SRMS: variants seen among roughly 807,000 people sequenced by gnomAD.
SRMS encodes the protein src-related kinase lacking C-terminal regulatory tyrosine and N-terminal myristylation sites.
In SRMS, 42 loss-of-function variants were observed where a neutral mutation model predicts 43.5. The observed-to-expected ratio is 0.97, with a 90% CI of 0.75 to 1.25. SRMS has a LOEUF of 1.25. Ranked by LOEUF, SRMS falls within the 50% of genes most tolerant of loss-of-function variation. The pLI, the probability that SRMS is intolerant of heterozygous loss-of-function variation, is 0.00. For synonymous variants in SRMS, 316 were observed against 308.2 expected (o/e 1.03, Z -0.27); for missense variants, 703 against 681.0 (o/e 1.03, Z -0.36).
At chr20:63,542,404 G>A (rs773963311) in intron 4 of SRMS, 36 bp downstream of exon 4, 17 of 1,599,666 alleles carry the variant, frequency 1.1e-5, no homozygotes, top group African/African-American at 5.4e-5. Context: ...CAGCAGGTGC[G>A]GGGCCCGGCC....
intron 7 of SRMS, 47 bp downstream of exon 7, chr20:63,541,144 C>A: frequency 6.4e-7 from 1 of 1,550,460 alleles, no homozygotes; most frequent in South Asian, 1.2e-5. Flanking sequence ...GGGCCAGTGA[C>A]TCCTGGGCAG....
chr20:63,541,174 G>A lies in SRMS; in HGVS notation c.1285+17C>T. ...GGGCAGAGCCTGCATCCTCCCTCTGGCTGCCTGGGGACCCACCTTCATAGG... is the reference window on the plus strand; with the variant it reads ...GGGCAGAGCCTGCATCCTCCCTCTGACTGCCTGGGGACCCACCTTCATAGG... On this transcript the variant is annotated intron_variant, in intron 7 of 7. Coordinates refer to ENST00000217188, the MANE Select transcript of SRMS (RefSeq NM_080823.4). The A allele has an allele frequency of 6.5e-7, 1 of 1,547,372 alleles. No individual in the cohort carries two copies. Among genetic ancestry groups the A allele is most frequent in the Non-Finnish European group, 8.7e-7 (1 of 1,150,802 alleles).
intron 5 of SRMS, among the ~76,000 whole-genome samples, 164 bp from the exon 6 acceptor site, chr20:63,541,784 C>T (rs564454355): frequency 2.6e-5 from 4 of 152,298 alleles, no homozygotes; most frequent in East Asian, 1.9e-4. Flanking sequence ...TGAGACAGGG[C>T]GAGGGTCCTG....
At position 63,542,234 on chromosome 20, in the gene SRMS, C is replaced by T. The variant is rs61740190; in HGVS notation, c.875G>A (p.Cys292Tyr). Residue 292 changes from cysteine to tyrosine, a missense_variant, in exon 5 of 8, where the codon TGC becomes TAC. Coordinates refer to ENST00000217188, the MANE Select transcript of SRMS (RefSeq NM_080823.4). ...HERLIRLHAV[C>Y]SGGEPVYIVT... ...GATGTACACAGGCTCCCCGCCCGAG[C>T]ACACTGCGTGCAGCCGGATGAGCCG... The T allele has an allele frequency of 1.8e-4, 298 of 1,612,736 alleles. No individual in the cohort carries two copies. The African/African-American group carries it at 3.4e-3, about 18-fold the overall frequency.
chr20:63,546,886 G>A (rs1018493090), intron 1 of SRMS, among the ~76,000 whole-genome samples: 4 of 152,216 alleles, frequency 2.6e-5, no homozygotes, highest in East Asian at 1.9e-4. Flanking sequence ...CACGCCTGCC[G>A]GAGCCTCCTC....
chr20:63,544,984 G>C (rs557920424), intron 1 of SRMS, among the ~76,000 whole-genome samples: 1 of 152,232 alleles, frequency 6.6e-6, no homozygotes, highest in South Asian at 2.1e-4. Flanking sequence ...AGTACAGGAC[G>C]GCCCTAAGCC....
chr20:63,543,444 G>A lies in SRMS; in HGVS notation c.515C>T (p.Ser172Phe). The A allele has an allele frequency of 6.2e-7, 1 of 1,612,842 alleles. No individual in the cohort carries two copies. The highest frequency in any genetic ancestry group is 8.5e-7 in the Non-Finnish European group (1 of 1,179,952). ...GTAGAGGCTGCCATCAGCTGCCATG[G>A]AGACCCGGTAGTGGCAGACCTTGGC... ...AQAKVCHYRV[S>F]MAADGSLYLQ... Residue 172 changes from serine to phenylalanine, a missense_variant, in exon 3 of 8, where the codon TCC becomes TTC. Ser to Phe is a radical substitution (Grantham distance 155). Coordinates refer to ENST00000217188, the MANE Select transcript of SRMS (RefSeq NM_080823.4).
In SRMS at chr20:63,542,243, T is replaced by C; in HGVS notation, c.866A>G (p.His289Arg). Residue 289 changes from histidine (H) to arginine (R), a missense_variant, in exon 5 of 8, where the codon CAC becomes CGC. By Grantham distance (29) the His-to-Arg change is conservative. Transcript: ENST00000217188. ...GLRHERLIRL[H>R]AVCSGGEPVY... ...AGGCTCCCCGCCCGAGCACACTGCG[T>C]GCAGCCGGATGAGCCGCTCGTGCCG... is the stretch of plus-strand genomic sequence containing the variant. 1 of 1,612,732 alleles carries C rather than the reference T, an allele frequency of 6.2e-7. No homozygotes were observed. Among genetic ancestry groups the C allele is most frequent in the Non-Finnish European group, 8.5e-7 (1 of 1,179,758 alleles).
intron 1 of SRMS, 123 bp from the exon 2 acceptor site, chr20:63,544,471 C>G: frequency 1.6e-6 from 2 of 1,258,774 alleles, no homozygotes; most frequent in East Asian, 3.2e-5. Context: ...GAAGGTCCAC[C>G]CCGTGGACTT....
intron 2 of SRMS, among the ~76,000 whole-genome samples, chr20:63,543,989 T>TAGTG (rs11472196): frequency 0.52 from 78,950 of 151,722 alleles, 21,564 homozygotes; most frequent in East Asian, 1. Flanking sequence ...ATGAGTGAAT[T>TAGTG]AGTGAGGAAT....
chr20:63,545,781 C>T (rs1183732366), intron 1 of SRMS, among the ~76,000 whole-genome samples: 1 of 152,146 alleles, frequency 6.6e-6, no homozygotes, highest in Non-Finnish European at 1.5e-5. Flanking sequence ...AGCCAGGGCC[C>T]CTGCCTTCTG....
Position 63,541,211 on chromosome 20 carries a change from T to TGCCCCTTCATAGGGACACTGGCACA in SRMS, c.1264_1265insTGTGCCAGTGTCCCTATGAAGGGGC (p.Tyr422LeufsTer15). ...CCCACCTTCATAGGGACACTGGCCA[T>TGCCCCTTCATAGGGACACTGGCACA]AGGTGAAAACCTCGTGCAGCAGGAC... On this transcript the variant is annotated frameshift_variant, in exon 7 of 8. Transcript: ENST00000217188. LOFTEE classifies it low-confidence loss of function (END_TRUNC). 6.4e-7 allele frequency: 1 copy of TGCCCCTTCATAGGGACACTGGCACA among 1,562,452 alleles called. No individual in the cohort carries two copies. Among genetic ancestry groups the TGCCCCTTCATAGGGACACTGGCACA allele is most frequent in the Non-Finnish European group, 8.6e-7 (1 of 1,160,240 alleles).
At position 63,543,464 on chromosome 20, in the gene SRMS, C is replaced by G. The variant is rs1275455847; in HGVS notation, c.495G>C (p.Lys165Asn). 1.9e-6 allele frequency: 3 copies of G among 1,612,644 alleles called. No individual in the cohort carries two copies. In the Admixed American group the frequency reaches 5.0e-5, roughly 27 times the overall value. The part of the protein sequence containing the change: ...GYSLSVRAQA[K>N]VCHYRVSMAA... Reference sequence around the variant, plus strand: ...CCATGGAGACCCGGTAGTGGCAGACCTTGGCCTGGGCCCGGACTAGGAAGG... The same window carrying G: ...CCATGGAGACCCGGTAGTGGCAGACGTTGGCCTGGGCCCGGACTAGGAAGG... Residue 165 changes from lysine (K) to asparagine (N), a missense_variant, in exon 3 of 8, where the codon AAG becomes AAC. Physicochemically the swap from Lys to Asn is moderately conservative, Grantham distance 94 (BLOSUM62 0). Transcript: ENST00000217188.
chr20:63,545,897 C>T (rs551659375), intron 1 of SRMS, among the ~76,000 whole-genome samples: 37 of 152,220 alleles, frequency 2.4e-4, no homozygotes, highest in African/African-American at 8.4e-4. Context: ...CCCAAAACAT[C>T]GCCAGCCTCC....
At chr20:63,542,023 G>A in intron 5 of SRMS, 140 bp downstream of exon 5, 2 of 1,221,844 alleles carry the variant, frequency 1.6e-6, no homozygotes, top group South Asian at 1.5e-5. Context: ...AGACAGGGAT[G>A]GGATCTGCAG....
At position 63,547,300 on chromosome 20, in the gene SRMS, A is replaced by G; in HGVS notation, c.164T>C (p.Leu55Pro). ...PAEPCSPFPQLFLALYDFTAR... is the reference protein window; with the variant it reads ...PAEPCSPFPQPFLALYDFTAR... ...CGTGAAGTCATAGAGCGCAAGGAAG[A>G]GCTGAGGGAAGGGGCTGCAAGGCTC... The change falls in exon 1 of 8, where the codon CTC becomes CCC. Residue 55 changes from leucine to proline, a missense_variant. Leu to Pro is a moderately conservative substitution (Grantham distance 98). Coordinates refer to ENST00000217188, the MANE Select transcript of SRMS (RefSeq NM_080823.4). 2 of 1,603,324 alleles carry G rather than the reference A, an allele frequency of 1.2e-6. No individual in the cohort carries two copies. Among genetic ancestry groups the G allele is most frequent in the East Asian group, 4.5e-5 (2 of 44,440 alleles).
chr20:63,545,860 G>A (rs1569018911), intron 1 of SRMS, among the ~76,000 whole-genome samples: 2 of 152,120 alleles, frequency 1.3e-5, no homozygotes, highest in Admixed American at 6.5e-5. Flanking sequence ...AGCACCGTGG[G>A]GTGTGGGGAT....
At chr20:63,544,656 C>T (rs1355686263) in intron 1 of SRMS, among the ~76,000 whole-genome samples, 1 of 152,270 alleles carries the variant, frequency 6.6e-6, no homozygotes, top group East Asian at 1.9e-4. Flanking sequence ...ACAGTCAGCC[C>T]TGGCCATGGG....
intron 1 of SRMS, among the ~76,000 whole-genome samples, chr20:63,544,594 C>A (rs1201722505): frequency 6.6e-6 from 1 of 152,256 alleles, no homozygotes; most frequent in Non-Finnish European, 1.5e-5. Flanking sequence ...CCCTGCTGGG[C>A]GTGACCTCCA....
Sources: gnomAD v4.1 joint callset for allele counts (sites outside exome capture counted in the v4.1 genomes callset) on GRCh38, gnomAD v4.1.1 for gene constraint, MANE v1.5 for transcripts, NCBI Gene and HGNC (gene_info 2026-07-23, HGNC 2026-07-21) for gene names.